The following SNX29 variants were observed in gnomAD, a reference collection of about 807,000 sequenced individuals.
SNX29 encodes sorting nexin 29.
SNX29 carries 78 observed loss-of-function variants against 102.1 expected under a neutral mutation model. That is an observed-to-expected ratio of 0.76 (90% CI 0.64 to 0.92). SNX29 has a LOEUF of 0.92. Among genes scored for constraint, SNX29 ranks in the 40% least tolerant of loss-of-function variants. The pLI is 0.00. For missense variants in SNX29, 1,280 were observed against 1,061.7 expected (o/e 1.21, Z -2.86); for synonymous variants, 580 against 414.5 (o/e 1.40, Z -4.85).
intron 11 of SNX29, among the ~76,000 whole-genome samples, chr16:12,091,793 A>G (rs891940826): frequency 1.3e-5 from 2 of 149,040 alleles, no homozygotes; most frequent in Non-Finnish European, 3.0e-5. Flanking sequence ...AAAAAAAAAA[A>G]GGGACCCCAG....
chr16:12,048,349 G>C (rs376496058), intron 6 of SNX29, 23 bp from the exon 7 acceptor site: 3 of 1,613,752 alleles, frequency 1.9e-6, no homozygotes, highest in Admixed American at 1.7e-5. Context: ...AAGCACTCCA[G>C]ACTTTTCCCT....
chr16:12,545,750 TGAGATG>T (rs1290959989), intron 20 of SNX29: 3 of 152,130 alleles, frequency 2.0e-5, no homozygotes. Flanking sequence ...GATTTTAACC[TGAGATG>T]GAGAGGCAGC....
chr16:12,122,188 G>A (rs1483795840), intron 11 of SNX29, among the ~76,000 whole-genome samples: 1 of 152,176 alleles, frequency 6.6e-6, no homozygotes, highest in Non-Finnish European at 1.5e-5. Context: ...TGTCTCCACA[G>A]TCACCGTGGT....
chr16:12,038,177 G>A (rs1199570208), intron 4 of SNX29, among the ~76,000 whole-genome samples: 1 of 152,064 alleles, frequency 6.6e-6, no homozygotes, highest in African/African-American at 2.4e-5. Flanking sequence ...TTCCCTCATA[G>A]CAATCCATAC....
At chr16:12,552,159 T>C (rs1036801200) in intron 20 of SNX29, among the ~76,000 whole-genome samples, 4 of 152,134 alleles carry the variant, frequency 2.6e-5, no homozygotes, top group Non-Finnish European at 4.4e-5. Context: ...TACAGCTTAA[T>C]CTACTAATCC....
At chr16:12,459,669 T>C (rs2086694790) in intron 18 of SNX29, among the ~76,000 whole-genome samples, 1 of 152,090 alleles carries the variant, frequency 6.6e-6, no homozygotes. Flanking sequence ...AAAGCAAACT[T>C]GCAGGGAGGA....
At chr16:12,193,769 C>T (rs1251966410) in intron 13 of SNX29, among the ~76,000 whole-genome samples, 4 of 152,170 alleles carry the variant, frequency 2.6e-5, no homozygotes, top group Non-Finnish European at 5.9e-5. Context: ...TCTCCAGAAG[C>T]GCCTTCCTAC....
intron 20 of SNX29, among the ~76,000 whole-genome samples, chr16:12,562,602 G>C (rs187469058): frequency 3.2e-4 from 49 of 152,306 alleles, no homozygotes; most frequent in Non-Finnish European, 4.9e-4. Context: ...GACAAAGGTC[G>C]CTGGCTCTTG....
chr16:12,035,542 A>G (rs1219811854), intron 4 of SNX29, among the ~76,000 whole-genome samples: 3 of 152,154 alleles, frequency 2.0e-5, no homozygotes, highest in Non-Finnish European at 4.4e-5. Context: ...CTGCCAATCC[A>G]TTTGTGCCTT....
chr16:12,040,183 A>C lies in SNX29; in HGVS notation c.248-2714A>C, dbSNP rs368679027. ...GTTTGGTACCAGCCTGCCAGCCTGCACAACATAGCAGAACCTCATCTCTAC... is the reference window on the plus strand; with the variant it reads ...GTTTGGTACCAGCCTGCCAGCCTGCCCAACATAGCAGAACCTCATCTCTAC... On this transcript the variant is annotated intron_variant, in intron 4 of 20. Coordinates refer to ENST00000566228, the MANE Select transcript of SNX29 (RefSeq NM_032167.5). 9.2e-5 allele frequency among the ~76,000 whole-genome samples: 14 copies of C among 152,252 alleles called. 1 individual carries two copies. In the South Asian group the frequency reaches 2.9e-3, roughly 32 times the overall value.
chr16:12,234,082 A>G (rs1424923807), intron 14 of SNX29, among the ~76,000 whole-genome samples: 1 of 152,140 alleles, frequency 6.6e-6, no homozygotes, highest in Non-Finnish European at 1.5e-5. Flanking sequence ...AGTTGTGTGG[A>G]CGTGTTTTTC....
intron 14 of SNX29, among the ~76,000 whole-genome samples, chr16:12,276,430 G>A (rs2079253200): frequency 6.6e-6 from 1 of 152,170 alleles, no homozygotes; most frequent in African/African-American, 2.4e-5. Flanking sequence ...GTCTGAGGAG[G>A]CTTAGCCACC....
chr16:12,257,019 A>C (rs2078593997), intron 14 of SNX29, among the ~76,000 whole-genome samples: 2 of 152,188 alleles, frequency 1.3e-5, no homozygotes. Flanking sequence ...CGTGGATTTC[A>C]ATGGGCTGAA....
intron 20 of SNX29, among the ~76,000 whole-genome samples, chr16:12,558,712 C>CA (rs2078530276): frequency 6.6e-6 from 1 of 152,144 alleles, no homozygotes. Flanking sequence ...CCCGTTTCTA[C>CA]GGGGGGCTGC....
Position 12,382,150 on chromosome 16 carries a change from C to G in SNX29, c.1900-16296C>G, listed in dbSNP as rs146802357. 7.4e-4 allele frequency among the ~76,000 whole-genome samples: 113 copies of G among 152,218 alleles called. 1 individual carries two copies. The East Asian group carries it at 0.011, about 15-fold the overall frequency. On this transcript the variant is annotated intron_variant, in intron 16 of 20. Transcript: ENST00000566228. ...ATTTGACCCCTACCTCTCATTCATT[C>G]AGGAGGTATTTGCCGAGCGCCATGA...
At chr16:12,251,412 G>A (rs2078418321) in intron 14 of SNX29, among the ~76,000 whole-genome samples, 1 of 152,188 alleles carries the variant, frequency 6.6e-6, no homozygotes, top group South Asian at 2.1e-4. Context: ...AGCAATATAA[G>A]AATTCATAGG....
intron 20 of SNX29, among the ~76,000 whole-genome samples, chr16:12,552,331 C>G (rs572956445): frequency 1.3e-5 from 2 of 152,160 alleles, no homozygotes; most frequent in Non-Finnish European, 2.9e-5. Context: ...GAACTCCTCT[C>G]CTGGCTTCTG....
intron 16 of SNX29, among the ~76,000 whole-genome samples, chr16:12,362,563 C>G (rs1597077613): frequency 4.1e-5 from 1 of 24,204 alleles, no homozygotes; most frequent in Non-Finnish European, 1.2e-4. Flanking sequence ...TCCCCCCCCA[C>G]CCCCCCCCCC....
chr16:12,100,813 A>T (rs1429461651), intron 11 of SNX29, among the ~76,000 whole-genome samples: 1 of 151,778 alleles, frequency 6.6e-6, no homozygotes, highest in African/African-American at 2.4e-5. Context: ...AGAGGTGGTG[A>T]GACAGGTCAT....
Sources: gnomAD v4.1 joint callset for allele counts (sites outside exome capture counted in the v4.1 genomes callset) on GRCh38, gnomAD v4.1.1 for gene constraint, MANE v1.5 for transcripts, NCBI Gene and HGNC (gene_info 2026-07-23, HGNC 2026-07-21) for gene names.